Variants in AP1G1 observed in about 807,000 individuals in gnomAD.
AP1G1 encodes adaptor related protein complex 1 subunit gamma 1.
A neutral mutation model predicts 108.3 loss-of-function variants in AP1G1; 7 were observed. The ratio of observed to expected loss-of-function variants is 0.06; its 90% CI spans 0.04 to 0.12. The LOEUF (loss-of-function observed/expected upper bound fraction) is 0.12, where lower values mean the gene tolerates loss of function less well. Ranked by LOEUF, AP1G1 falls within the 10% of genes least tolerant of loss-of-function variation. The pLI is 1.00. For missense variants in AP1G1, 756 were observed against 1,010.7 expected (o/e 0.75, Z 3.42); for synonymous variants, 379 against 353.5 (o/e 1.07, Z -0.81).
At chr16:71,790,513 G>C (rs150426379) in intron 1 of AP1G1, among the ~76,000 whole-genome samples, 1 of 140,040 alleles carries the variant, frequency 7.1e-6, no homozygotes, top group Non-Finnish European at 1.5e-5. Context: ...AGCAACAAGA[G>C]TGAAACTCCA....
chr16:71,790,928 T>C lies in AP1G1; in HGVS notation c.-3-1446A>G, dbSNP rs192566657. 1.6e-4 allele frequency among the ~76,000 whole-genome samples: 25 copies of C among 152,050 alleles called. No homozygotes were observed. The East Asian group carries it at 4.8e-3, about 29-fold the overall frequency. ...TCTCCAAAGGACATCATTATGAAAATAGGACACACCAGCTGGGCACAGTGG... is the reference window on the plus strand; with the variant it reads ...TCTCCAAAGGACATCATTATGAAAACAGGACACACCAGCTGGGCACAGTGG... On this transcript the variant is annotated intron_variant, in intron 1 of 22. Transcript: ENST00000299980.
chr16:71,776,195 G>A (rs1328058019), intron 2 of AP1G1, among the ~76,000 whole-genome samples: 3 of 152,202 alleles, frequency 2.0e-5, no homozygotes, highest in Admixed American at 6.5e-5. Context: ...ATTGAGGAAA[G>A]TAAAACAGTT....
At chr16:71,806,817 C>T in intron 1 of AP1G1, 1 of 726,842 alleles carries the variant, frequency 1.4e-6, no homozygotes, top group Non-Finnish European at 2.0e-6. Flanking sequence ...GAAAAATCTG[C>T]TTAAATAACA....
rs2033067587 is a variant in AP1G1 at position 71,808,272 on chromosome 16, G to C, written c.-4+491C>G. Reference sequence around the variant, plus strand: ...CGGAAGGTTAGAGAGAGGCGAGGCCGATGTCCGGTTCCGAGAGGACGGCAC... The same window carrying C: ...CGGAAGGTTAGAGAGAGGCGAGGCCCATGTCCGGTTCCGAGAGGACGGCAC... On this transcript the variant is annotated intron_variant, in intron 1 of 22. Transcript: ENST00000299980. The C allele has an allele frequency of 5.3e-6, 5 of 942,772 alleles. No homozygotes were observed. In the South Asian group the frequency reaches 1.1e-4, roughly 20 times the overall value. 58.4% of individuals were successfully genotyped at this position (942,772 alleles called of 1,614,324 possible). A position where few individuals can be genotyped will look rare whatever the true frequency, so the allele number is the denominator to read the frequency against.
chr16:71,738,101 G>A (rs928176914), intron 21 of AP1G1, among the ~76,000 whole-genome samples: 1 of 152,196 alleles, frequency 6.6e-6, no homozygotes, highest in Admixed American at 6.5e-5. Context: ...AGGCTGGAGT[G>A]CAGTGGCATA....
intron 2 of AP1G1, among the ~76,000 whole-genome samples, chr16:71,787,153 T>C (rs1413213683): frequency 6.6e-6 from 1 of 151,858 alleles, no homozygotes; most frequent in Non-Finnish European, 1.5e-5. Context: ...ATTCCGTCTC[T>C]ACTAAAAATA....
intron 2 of AP1G1, among the ~76,000 whole-genome samples, chr16:71,787,733 T>A (rs1005156874): frequency 5.3e-5 from 8 of 152,210 alleles, no homozygotes; most frequent in Non-Finnish European, 2.9e-5. Context: ...AGTATATGGA[T>A]AACCACCTGG....
At chr16:71,736,117 A>AAAAAAAAAAAATATATAT (rs1555550846) in intron 21 of AP1G1, among the ~76,000 whole-genome samples, 4 of 71,636 alleles carry the variant, frequency 5.6e-5, no homozygotes, top group African/African-American at 2.5e-4. Context: ...AAAAAAAAAA[A>AAAAAAAAAAAATATATAT]ATATATATAT....
At position 71,734,676 on chromosome 16, in the gene AP1G1, C is replaced by G; in HGVS notation, c.2300G>C (p.Ser767Thr). 6.2e-7 allele frequency: 1 copy of G among 1,614,088 alleles called. No homozygotes were observed. ...CGTGTTAAATGCTGGGACAATGCTG[C>G]TGCTAGGAGACAAGAGCTGCAGCTG... ...TFQLQLLSPS[S>T]SIVPAFNTGT... The change falls in exon 22 of 23, where the codon AGC (serine) becomes ACC (threonine). Residue 767 changes from serine to threonine, a missense_variant. Coordinates refer to ENST00000299980, the MANE Select transcript of AP1G1 (RefSeq NM_001128.6).
intron 19 of AP1G1, among the ~76,000 whole-genome samples, chr16:71,740,600 A>G (rs1036860139): frequency 2.6e-5 from 4 of 152,260 alleles, no homozygotes; most frequent in Non-Finnish European, 5.9e-5. Flanking sequence ...AAATACACTT[A>G]ACATGGATTA....
intron 1 of AP1G1, among the ~76,000 whole-genome samples, chr16:71,801,244 T>G (rs2142282042): frequency 6.6e-6 from 1 of 151,168 alleles, no homozygotes; most frequent in East Asian, 1.9e-4. Context: ...AGGCGGAGAT[T>G]CCCACCACCT....
rs1456376641 is a variant in AP1G1, at chr16:71,808,600, G to A, written c.-4+163C>T. ...CCCTCCAGAAGTCGGAGCAGCCCCT[G>A]GGGCTCCCGGCCTCTCCTGGCCCAG... On this transcript the variant is annotated intron_variant, in intron 1 of 22. Transcript: ENST00000299980. The A allele has an allele frequency of 3.9e-6, 5 of 1,289,434 alleles. No homozygotes were observed. In the East Asian group the frequency reaches 2.8e-4, roughly 72 times the overall value. The allele number at this position is 1,289,434 out of a possible 1,614,324, so 79.9% of individuals were successfully genotyped here. A position where few individuals can be genotyped will look rare whatever the true frequency, so the allele number is the denominator to read the frequency against.
At chr16:71,781,286 CA>C (rs1230337606) in intron 2 of AP1G1, among the ~76,000 whole-genome samples, 1 of 151,952 alleles carries the variant, frequency 6.6e-6, no homozygotes, top group African/African-American at 2.4e-5. Context: ...GGCAGAAAAA[CA>C]AAAAACAAAA....
chr16:71,792,908 C>A (rs953758380), intron 1 of AP1G1, among the ~76,000 whole-genome samples: 3 of 151,398 alleles, frequency 2.0e-5, no homozygotes, highest in African/African-American at 7.3e-5. Context: ...TGGCTCACAC[C>A]TGCAATCACA....
chr16:71,799,421 T>A (rs558045069), intron 1 of AP1G1, among the ~76,000 whole-genome samples: 1 of 152,260 alleles, frequency 6.6e-6, no homozygotes, highest in African/African-American at 2.4e-5. Flanking sequence ...TAAATTATGG[T>A]ACATCCACGC....
chr16:71,753,729 T>G, intron 13 of AP1G1, 104 bp downstream of exon 13: 1 of 961,602 alleles, frequency 1.0e-6, no homozygotes, highest in Non-Finnish European at 1.6e-6. Context: ...TAATGTTACC[T>G]ATTTACTTGT....
intron 2 of AP1G1, among the ~76,000 whole-genome samples, chr16:71,776,628 G>A (rs1183619329): frequency 6.6e-6 from 1 of 152,136 alleles, no homozygotes; most frequent in African/African-American, 2.4e-5. Flanking sequence ...TCAGATATCA[G>A]AGTTTTCATC....
chr16:71,788,900 T>C (rs147616010), intron 2 of AP1G1, among the ~76,000 whole-genome samples: 289 of 151,954 alleles, frequency 1.9e-3, no homozygotes, highest in Admixed American at 3.7e-3. Flanking sequence ...CAAGTGATTC[T>C]CCCACTTCAG....
chr16:71,746,509 G>C (rs984007873), intron 17 of AP1G1, 79 bp downstream of exon 17: 2 of 880,522 alleles, frequency 2.3e-6, no homozygotes, highest in South Asian at 1.8e-5. Flanking sequence ...CACAAGGAAT[G>C]AATCTTCTTT....
Sources: gnomAD v4.1 joint callset for allele counts (sites outside exome capture counted in the v4.1 genomes callset) on GRCh38, gnomAD v4.1.1 for gene constraint, MANE v1.5 for transcripts, NCBI Gene and HGNC (gene_info 2026-07-23, HGNC 2026-07-21) for gene names.